WWOX: variants seen among roughly 807,000 people sequenced by gnomAD.
WWOX encodes WW domain-containing oxidoreductase.
In WWOX, 69 loss-of-function variants were observed where a neutral mutation model predicts 46.2. That is an observed-to-expected ratio of 1.49 (90% CI 1.23 to 1.82). The LOEUF is 1.82. Ranked by LOEUF, WWOX falls within the 40% of genes most tolerant of loss-of-function variation. The pLI is 0.00. For synonymous variants in WWOX, 359 were observed against 202.6 expected, an observed-to-expected ratio of 1.77 and a Z score of -6.56; for missense variants, 919 against 542.6, an observed-to-expected ratio of 1.69 and a Z score of -6.89.
intron 4 of WWOX, among the ~76,000 whole-genome samples, chr16:78,160,952 C>T (rs1182576422): frequency 6.6e-6 from 1 of 151,814 alleles, no homozygotes; most frequent in Non-Finnish European, 1.5e-5. Flanking sequence ...ATATGAGAGG[C>T]TCTATTATTA....
intron 8 of WWOX, among the ~76,000 whole-genome samples, chr16:79,160,398 A>C (rs961857953): frequency 6.6e-6 from 1 of 152,152 alleles, no homozygotes; most frequent in Non-Finnish European, 1.5e-5. Flanking sequence ...GCATTCCCCT[A>C]GACAAATCAC....
chr16:78,460,427 T>G (rs975741775), intron 8 of WWOX, among the ~76,000 whole-genome samples: 2 of 152,216 alleles, frequency 1.3e-5, no homozygotes, highest in African/African-American at 2.4e-5. Flanking sequence ...CTTAGTTGTT[T>G]TCAGTGTAAT....
rs368220370 is a variant in WWOX at position 78,329,435 on chromosome 16, C to G, written c.517-57425C>G. 7.9e-5 allele frequency among the ~76,000 whole-genome samples: 12 copies of G among 152,312 alleles called. No homozygotes were observed. The East Asian group carries it at 1.9e-3, about 25-fold the overall frequency. On this transcript the variant is annotated intron_variant, in intron 5 of 8. Transcript: ENST00000566780. ...AGTGAAATTTCTGTATTTGCTGACC[C>G]TGTCGCCAGTAGCCTGGAATAAACA... is the stretch of plus-strand genomic sequence containing the variant.
chr16:79,092,769 C>T (rs925174827), intron 8 of WWOX, among the ~76,000 whole-genome samples: 1 of 152,116 alleles, frequency 6.6e-6, no homozygotes, highest in Non-Finnish European at 1.5e-5. Flanking sequence ...TTAATGTAAA[C>T]GTTGTTGAAA....
rs2045604181 is a variant in WWOX, at chr16:78,930,644, A to G, written c.1057-280964A>G. Among the ~76,000 whole-genome samples, 3 of 146,396 alleles carry G rather than the reference A, an allele frequency of 2.0e-5. No homozygotes were observed. The South Asian group carries it at 6.6e-4, about 32-fold the overall frequency. ...CTTCACTCAGTTTGAAGGCACCATT[A>G]TTTGGGTTTCCTGTTAATTGCAGTT... On this transcript the variant is annotated intron_variant, in intron 8 of 8. Coordinates refer to ENST00000566780, the MANE Select transcript of WWOX (RefSeq NM_016373.4).
chr16:78,170,218 T>A (rs1044173038), intron 5 of WWOX, among the ~76,000 whole-genome samples: 3 of 152,126 alleles, frequency 2.0e-5, no homozygotes, highest in Admixed American at 6.5e-5. Context: ...ACATGCTGTA[T>A]TATAGTGGCA....
intron 8 of WWOX, among the ~76,000 whole-genome samples, chr16:78,994,605 C>A (rs145353819): frequency 2.0e-5 from 3 of 152,284 alleles, no homozygotes; most frequent in Admixed American, 2.0e-4. Context: ...ACCTTGCAGG[C>A]GCAAACTCCC....
chr16:78,699,629 A>G (rs74428578), intron 8 of WWOX, among the ~76,000 whole-genome samples: 9,224 of 152,244 alleles, frequency 0.061, 403 homozygotes, highest in Non-Finnish European at 0.073. Context: ...TTGGTTAATC[A>G]ATGATTATCA....
At chr16:78,993,864 C>T (rs1324487897) in intron 8 of WWOX, among the ~76,000 whole-genome samples, 1 of 152,174 alleles carries the variant, frequency 6.6e-6, no homozygotes, top group Admixed American at 6.5e-5. Flanking sequence ...GCCCGCTGGT[C>T]GGTCACTCCT....
chr16:79,009,443 C>T (rs1028226931), intron 8 of WWOX, among the ~76,000 whole-genome samples: 1 of 151,660 alleles, frequency 6.6e-6, no homozygotes, highest in Non-Finnish European at 1.5e-5. Flanking sequence ...ACTGGGGCTT[C>T]TGTGACTTTA....
At chr16:78,478,453 A>C (rs2084406105) in intron 8 of WWOX, among the ~76,000 whole-genome samples, 1 of 152,166 alleles carries the variant, frequency 6.6e-6, no homozygotes, top group Non-Finnish European at 1.5e-5. Flanking sequence ...CCGGAAAGAA[A>C]AAGCGATGAT....
chr16:78,110,426 T>TTC (rs2032426258), intron 3 of WWOX, among the ~76,000 whole-genome samples: 1 of 152,136 alleles, frequency 6.6e-6, no homozygotes, highest in African/African-American at 2.4e-5. Context: ...TATGAGCATT[T>TTC]TCTTGTATCC....
chr16:78,542,859 A>AC (rs1198711885), intron 8 of WWOX, among the ~76,000 whole-genome samples: 1 of 152,186 alleles, frequency 6.6e-6, no homozygotes, highest in Non-Finnish European at 1.5e-5. Context: ...TAAAACCCAA[A>AC]CGACGGGCCT....
rs960752134 is a variant in WWOX at position 78,184,781 on chromosome 16, C to T, written c.516+20492C>T. Among the ~76,000 whole-genome samples, 7 of 152,258 alleles carry T rather than the reference C, an allele frequency of 4.6e-5. No individual in the cohort carries two copies. The South Asian group carries it at 8.3e-4, about 18-fold the overall frequency. On this transcript the variant is annotated intron_variant, in intron 5 of 8. Transcript: ENST00000566780. Reference sequence around the variant, plus strand: ...AGCAGATGTGATAAGCCCTCATACTCAGAGAGATGTCTGGGAAAGAATCGT... The same window carrying T: ...AGCAGATGTGATAAGCCCTCATACTTAGAGAGATGTCTGGGAAAGAATCGT...
intron 8 of WWOX, among the ~76,000 whole-genome samples, chr16:78,487,664 C>T (rs552283522): frequency 8.5e-4 from 129 of 152,238 alleles, no homozygotes; most frequent in Middle Eastern, 6.8e-3. Context: ...GACCTCTAGC[C>T]ATTAGATACC....
intron 8 of WWOX, among the ~76,000 whole-genome samples, chr16:78,685,657 G>A (rs898222584): frequency 6.6e-6 from 1 of 152,222 alleles, no homozygotes; most frequent in African/African-American, 2.4e-5. Context: ...AAATGCAAAG[G>A]CAGAGAAGCT....
At chr16:78,684,693 A>T (rs1224677122) in intron 8 of WWOX, among the ~76,000 whole-genome samples, 1 of 152,122 alleles carries the variant, frequency 6.6e-6, no homozygotes, top group Non-Finnish European at 1.5e-5. Flanking sequence ...ATCTTCTTCC[A>T]GGTTAATCTT....
At chr16:78,181,281 C>A (rs989058555) in intron 5 of WWOX, among the ~76,000 whole-genome samples, 1 of 151,838 alleles carries the variant, frequency 6.6e-6, no homozygotes, top group African/African-American at 2.4e-5. Flanking sequence ...ATCGTGGTGA[C>A]GGTGTGTGTG....
chr16:78,480,016 A>C (rs975404912), intron 8 of WWOX, among the ~76,000 whole-genome samples: 1 of 152,224 alleles, frequency 6.6e-6, no homozygotes, highest in Non-Finnish European at 1.5e-5. Flanking sequence ...TTCTCACTGA[A>C]GCAGTCATAC....
Sources: gnomAD v4.1 joint callset for allele counts (sites outside exome capture counted in the v4.1 genomes callset) on GRCh38, gnomAD v4.1.1 for gene constraint, MANE v1.5 for transcripts, NCBI Gene and HGNC (gene_info 2026-07-23, HGNC 2026-07-21) for gene names.